The following CDC42BPA variants were observed in gnomAD, a reference collection of about 807,000 sequenced individuals.
The protein encoded by CDC42BPA is CDC42 binding protein kinase alpha.
A neutral mutation model predicts 223.5 loss-of-function variants in CDC42BPA; 80 were observed. That is an observed-to-expected ratio of 0.36 (90% CI 0.30 to 0.43). The LOEUF is 0.43. CDC42BPA is among the 20% of genes least tolerant of loss of function. CDC42BPA has a pLI of 1.00. For missense variants in CDC42BPA, 1,743 were observed against 2,099.9 expected (o/e 0.83, Z 3.32); for synonymous variants, 694 against 718.6 (o/e 0.97, Z 0.55).
intron 14 of CDC42BPA, among the ~76,000 whole-genome samples, chr1:227,106,732 T>C (rs1256154014): frequency 6.6e-6 from 1 of 152,224 alleles, no homozygotes; most frequent in African/African-American, 2.4e-5. Flanking sequence ...CAATTTGAGT[T>C]AATTTGTATA....
chr1:226,996,311 T>C (rs1661588627), intron 35 of CDC42BPA, among the ~76,000 whole-genome samples: 1 of 152,244 alleles, frequency 6.6e-6, no homozygotes, highest in South Asian at 2.1e-4. Flanking sequence ...TTTTTGCACA[T>C]TGATTTTGTA....
chr1:227,086,130 T>A (rs992910231), intron 16 of CDC42BPA, among the ~76,000 whole-genome samples: 1 of 152,224 alleles, frequency 6.6e-6, no homozygotes, highest in Non-Finnish European at 1.5e-5. Flanking sequence ...ATTATTGAAG[T>A]TGAACCTCAA....
In CDC42BPA at chr1:227,091,946, A is replaced by G. The variant is rs1378941030; in HGVS notation, c.2295T>C (p.Tyr765=). The part of the protein sequence containing the change: ...EEFESEFKQQ[Y]EREKVLLTEE... ...CAGTTAACAACACTTTTTCTCGTTC[A>G]TATTGTTGTTTGAACTCACTTTCAA... Residue 765 remains tyrosine, a synonymous_variant, in exon 16 of 37, where the codon TAT becomes TAC. Transcript: ENST00000366766. The G allele has an allele frequency of 1.2e-6, 2 of 1,609,034 alleles. No individual in the cohort carries two copies. The highest frequency in any genetic ancestry group is 2.2e-5 in the South Asian group (2 of 89,792).
intron 27 of CDC42BPA, among the ~76,000 whole-genome samples, chr1:227,032,741 C>CA (rs1669515315): frequency 6.6e-6 from 1 of 152,138 alleles, no homozygotes; most frequent in Admixed American, 6.6e-5. Flanking sequence ...CCAGAGACCA[C>CA]ATGGAGGGAG....
At chr1:227,099,242 A>G (rs757824234) in intron 15 of CDC42BPA, among the ~76,000 whole-genome samples, 3 of 152,024 alleles carry the variant, frequency 2.0e-5, no homozygotes, top group Non-Finnish European at 4.4e-5. Context: ...CTTCTACTTA[A>G]TATTTTTTTA....
chr1:227,237,145 T>C (rs1679199411), intron 2 of CDC42BPA, among the ~76,000 whole-genome samples: 1 of 152,048 alleles, frequency 6.6e-6, no homozygotes, highest in African/African-American at 2.4e-5. Flanking sequence ...ATAAAATGAC[T>C]TGGGCAATGG....
intron 3 of CDC42BPA, among the ~76,000 whole-genome samples, chr1:227,200,445 C>CA (rs71180714): frequency 0.42 from 45,846 of 109,026 alleles, 7,742 homozygotes; most frequent in Non-Finnish European, 0.45. Flanking sequence ...AACAAACAAA[C>CA]AAAAAAAAAA....
chr1:227,262,340 C>G (rs1684220952), intron 1 of CDC42BPA, among the ~76,000 whole-genome samples: 1 of 152,000 alleles, frequency 6.6e-6, no homozygotes, highest in African/African-American at 2.4e-5. Flanking sequence ...CACTGATTTA[C>G]TTCTCTATGC....
intron 1 of CDC42BPA, among the ~76,000 whole-genome samples, chr1:227,312,757 C>T (rs576601522): frequency 6.6e-6 from 1 of 151,662 alleles, no homozygotes; most frequent in Non-Finnish European, 1.5e-5. Flanking sequence ...AGGGACCTGG[C>T]GGGAGGTGAC....
rs995133326 is a variant in CDC42BPA, at chr1:227,147,387, T to C, written c.866A>G (p.Glu289Gly). ...GTGGTTCATGATTTTTCCGTATGTC[T>C]CCACCAGCGATTCTGCATAAAATGG... ...ETPFYAESLV[E>G]TYGKIMNHKE... Residue 289 changes from glutamate (E) to glycine (G), a missense_variant, in exon 7 of 37, where the codon GAG becomes GGG. By Grantham distance (98) the Glu-to-Gly change is moderately conservative. This residue lies in a region of CDC42BPA where 321 missense variants were observed against 488.7 expected (regional missense o/e 0.66). Transcript: ENST00000366766. The C allele has an allele frequency of 6.2e-7, 1 of 1,611,958 alleles. No individual in the cohort carries two copies. The highest frequency in any genetic ancestry group is 1.3e-5 in the African/African-American group (1 of 74,882).
chr1:227,130,237 T>G (rs1656791822), intron 10 of CDC42BPA, among the ~76,000 whole-genome samples: 1 of 152,210 alleles, frequency 6.6e-6, no homozygotes, highest in South Asian at 2.1e-4. Flanking sequence ...ACCATAATTC[T>G]TTATGAGTTA....
rs1672766529 is a variant in CDC42BPA, at chr1:227,206,586, G to A, written c.354+6550C>T. On this transcript the variant is annotated intron_variant, in intron 3 of 36. Transcript: ENST00000366766. Reference sequence around the variant, plus strand: ...GTAATTTATTAAGCATCACTGGTAGGTCTTGTTTTCCAAAGTTGGATAAGT... The same window carrying A: ...GTAATTTATTAAGCATCACTGGTAGATCTTGTTTTCCAAAGTTGGATAAGT... Among the ~76,000 whole-genome samples, 2 of 152,116 alleles carry A rather than the reference G, an allele frequency of 1.3e-5. 1 individual carries two copies. Among genetic ancestry groups the A allele is most frequent in the Admixed American group, 1.3e-4 (2 of 15,272 alleles).
At chr1:227,098,102 T>C (rs1684349999) in intron 15 of CDC42BPA, among the ~76,000 whole-genome samples, 1 of 152,032 alleles carries the variant, frequency 6.6e-6, no homozygotes, top group Non-Finnish European at 1.5e-5. Flanking sequence ...GAGGCAAGAA[T>C]TGAGGCTGCT....
intron 5 of CDC42BPA, among the ~76,000 whole-genome samples, chr1:227,168,441 A>C (rs1209085752): frequency 6.7e-6 from 1 of 149,874 alleles, no homozygotes; most frequent in Non-Finnish European, 1.5e-5. Context: ...TTGGATTTCA[A>C]TAGTTTCACT....
intron 19 of CDC42BPA, among the ~76,000 whole-genome samples, chr1:227,072,594 A>G (rs1678619171): frequency 6.6e-6 from 1 of 151,986 alleles, no homozygotes; most frequent in Non-Finnish European, 1.5e-5. Context: ...ATATTTACTA[A>G]ATGAACCTTT....
intron 1 of CDC42BPA, among the ~76,000 whole-genome samples, chr1:227,308,012 A>G (rs77715958): frequency 0.021 from 3,179 of 152,328 alleles, 126 homozygotes; most frequent in African/African-American, 0.073. Context: ...CAAAAAGCTT[A>G]TCCTGTAAGA....
At chr1:227,040,000 T>C (rs1671051030) in intron 24 of CDC42BPA, 131 bp downstream of exon 24, 1 of 674,888 alleles carries the variant, frequency 1.5e-6, no homozygotes, top group South Asian at 1.7e-5. Flanking sequence ...ACACAGATTA[T>C]TTCCATTCCT....
chr1:227,118,118 A>C (rs538746333), intron 12 of CDC42BPA, among the ~76,000 whole-genome samples: 2 of 152,308 alleles, frequency 1.3e-5, no homozygotes. Context: ...AAAAGTAATA[A>C]ATCTGGAAAT....
At chr1:227,019,581 A>G (rs1350078460) in intron 32 of CDC42BPA, among the ~76,000 whole-genome samples, 1 of 152,214 alleles carries the variant, frequency 6.6e-6, no homozygotes, top group African/African-American at 2.4e-5. Context: ...TGTGGCAGCT[A>G]TGGCCTTATG....
Sources: allele counts gnomAD v4.1 joint callset (sites outside exome capture counted in the v4.1 genomes callset), GRCh38; gene constraint gnomAD v4.1.1; regional missense constraint gnomAD v4.1.1; transcripts MANE v1.5; gene names NCBI Gene and HGNC (gene_info 2026-07-23, HGNC 2026-07-21).